The following RHD variants were observed in gnomAD, a reference collection of about 807,000 sequenced individuals.
RHD encodes Rh blood group D antigen, also known as blood group Rh(D) polypeptide.
A neutral mutation model predicts 45.5 loss-of-function variants in RHD; 16 were observed. The ratio of observed to expected loss-of-function variants is 0.35; its 90% confidence interval spans 0.24 to 0.53. RHD has a LOEUF of 0.53. Ranked by LOEUF, RHD falls within the 20% of genes least tolerant of loss-of-function variation. RHD has a pLI of 0.92. For synonymous variants in RHD, 131 were observed against 217.5 expected, an observed-to-expected ratio of 0.60 and a Z score of 3.50; for missense variants, 306 against 532.0, an observed-to-expected ratio of 0.58 and a Z score of 4.18.
chr1:25,277,951 G>C (rs28537466), intron 1 of RHD, among the ~76,000 whole-genome samples: 2,060 of 133,378 alleles, frequency 0.015, 311 homozygotes, highest in African/African-American at 0.05. Context: ...TGGGATTACA[G>C]GCGTGAGCCA....
rs372348506 is a variant in RHD at position 25,278,648 on chromosome 1, A to G, written c.149-5925A>G. On this transcript the variant is annotated intron_variant, in intron 1 of 9. Coordinates refer to ENST00000328664, the MANE Select transcript of RHD (RefSeq NM_016124.6). ...AGAGCTTCCCTAAGGCTTCCAAACT[A>G]GGAGACTATCCTGGGTCCTGTGCTG... Among the ~76,000 whole-genome samples, 108 of 131,482 alleles carry G rather than the reference A, an allele frequency of 8.2e-4. 12 individuals carry two copies. Among genetic ancestry groups the G allele is most frequent in the South Asian group, 4.7e-3 (20 of 4,256 alleles). 86.3% of individuals were successfully genotyped at this position (131,482 alleles called of 152,430 possible). A position where few individuals can be genotyped will look rare whatever the true frequency, so the allele number is the denominator to read the frequency against.
Position 25,329,252 on chromosome 1 carries a change from T to TG in RHD, c.*328_*329insG, listed in dbSNP as rs1644936548. ...ATTATTCCTTGTTTTTTTTTTTTTT[T>TG]TTTTTTTTTTGAGATGTAGTCTTAC... On this transcript the variant is annotated 3_prime_UTR_variant, in exon 10 of 10. Coordinates refer to ENST00000328664, the MANE Select transcript of RHD (RefSeq NM_016124.6). 3 of 655,678 alleles carry TG rather than the reference T, an allele frequency of 4.6e-6. No individual in the cohort carries two copies. The highest frequency in any genetic ancestry group is 1.9e-5 in the South Asian group (1 of 51,980). The allele number at this position is 655,678 out of a possible 1,614,324, so 40.6% of individuals were successfully genotyped here. A position where few individuals can be genotyped will look rare whatever the true frequency, so the allele number is the denominator to read the frequency against.
chr1:25,276,413 A>C (rs1262891209), intron 1 of RHD, among the ~76,000 whole-genome samples: 1 of 115,222 alleles, frequency 8.7e-6, no homozygotes, highest in Non-Finnish European at 1.9e-5. Flanking sequence ...TGTAATAGTT[A>C]ATTAAAAAAA....
chr1:25,276,692 C>T (rs1191593862), intron 1 of RHD, among the ~76,000 whole-genome samples: 6 of 130,188 alleles, frequency 4.6e-5, no homozygotes, highest in African/African-American at 1.6e-4. Flanking sequence ...CCAGCATGGG[C>T]GACAGAGCAA....
Position 25,291,626 on chromosome 1 carries a change from A to G in RHD, c.486+835A>G, listed in dbSNP as rs34942019. ...CCTGTAGGATTGTGCTATTCATGATATAATTATGGTTATATAAAAGTAATT... is the reference window on the plus strand; with the variant it reads ...CCTGTAGGATTGTGCTATTCATGATGTAATTATGGTTATATAAAAGTAATT... On this transcript the variant is annotated intron_variant, in intron 3 of 9. Transcript: ENST00000328664. Among the ~76,000 whole-genome samples, 14 of 132,908 alleles carry G rather than the reference A, an allele frequency of 1.1e-4. 3 individuals carry two copies. Among genetic ancestry groups the G allele is most frequent in the Middle Eastern group, 4.1e-3 (1 of 246 alleles). The allele number at this position is 132,908 out of a possible 152,430, so 87.2% of individuals were successfully genotyped here. A position where few individuals can be genotyped will look rare whatever the true frequency, so the allele number is the denominator to read the frequency against.
chr1:25,279,052 G>T lies in RHD; in HGVS notation c.149-5521G>T, dbSNP rs181240449. 9.2e-3 allele frequency among the ~76,000 whole-genome samples: 1,189 copies of T among 129,802 alleles called. 203 individuals carry two copies. Among genetic ancestry groups the T allele is most frequent in the African/African-American group, 0.028 (1,041 of 37,514 alleles). 85.2% of individuals were successfully genotyped at this position (129,802 alleles called of 152,430 possible). ...CAGAAGGAGGGGCAAGAGTGGGAGG[G>T]GGCGCAGATCCAGAATCACGGAGGC... is the stretch of plus-strand genomic sequence containing the variant. On this transcript the variant is annotated intron_variant, in intron 1 of 9. Transcript: ENST00000328664.
At position 25,274,181 on chromosome 1, in the gene RHD, A is replaced by G. The variant is rs1475481706; in HGVS notation, c.148+1486A>G. On this transcript the variant is annotated intron_variant, in intron 1 of 9. Transcript: ENST00000328664. The stretch of plus-strand genomic sequence containing the variant: ...TACATTGAACCCTCACAATAACCCA[A>G]TGAGGTGGGTACTATTATGATCTTC... Among the ~76,000 whole-genome samples, 43 of 132,014 alleles carry G rather than the reference A, an allele frequency of 3.3e-4. 8 individuals carry two copies. Among genetic ancestry groups the G allele is most frequent in the Non-Finnish European group, 5.2e-4 (29 of 55,614 alleles). 86.6% of individuals were successfully genotyped at this position (132,014 alleles called of 152,430 possible). A position where few individuals can be genotyped will look rare whatever the true frequency, so the allele number is the denominator to read the frequency against.
intron 1 of RHD, among the ~76,000 whole-genome samples, chr1:25,275,006 G>A (rs113349451): frequency 0.028 from 3,702 of 129,986 alleles, 609 homozygotes; most frequent in African/African-American, 0.09. Context: ...AGGAGAGCAG[G>A]GACTGGGTGT....
chr1:25,272,680 G>A lies in RHD; in HGVS notation c.133G>A (p.Val45Met), dbSNP rs748833614. ...DASLEDQKGL[V>M]ASYQVGQDLT... Reference sequence around the variant, plus strand: ...TTCCTTAGAGGATCAAAAGGGGCTCGTGGCATCCTATCAAGGTGAGAGTTC... The same window carrying A: ...TTCCTTAGAGGATCAAAAGGGGCTCATGGCATCCTATCAAGGTGAGAGTTC... The change falls in exon 1 of 10, where the codon GTG (valine) becomes ATG (methionine). Residue 45 changes from valine (V) to methionine (M), a missense_variant. Transcript: ENST00000328664. 39 of 1,550,772 alleles carry A rather than the reference G, an allele frequency of 2.5e-5. 2 individuals carry two copies. Among genetic ancestry groups the A allele is most frequent in the South Asian group, 1.3e-4 (12 of 89,982 alleles).
At chr1:25,279,634 T>C (rs1319230247) in intron 1 of RHD, among the ~76,000 whole-genome samples, 1 of 125,576 alleles carries the variant, frequency 8.0e-6, no homozygotes, top group Admixed American at 7.7e-5. Flanking sequence ...GGGCTAAGTC[T>C]GTAAGGCACG....
intron 8 of RHD, among the ~76,000 whole-genome samples, chr1:25,318,754 T>A (rs1229637470): frequency 7.5e-6 from 1 of 132,664 alleles, no homozygotes; most frequent in African/African-American, 2.6e-5. Flanking sequence ...ACGTTGGGCA[T>A]GTCACTTTAC....
rs1436758929 is a variant in RHD at position 25,302,978 on chromosome 1, TA to T, written c.802-338del. Among the ~76,000 whole-genome samples, 13 of 130,272 alleles carry T rather than the reference TA, an allele frequency of 1.0e-4. 3 individuals are homozygous for T. The highest frequency in any genetic ancestry group is 1.5e-4 in the Non-Finnish European group (8 of 55,152). 85.5% of individuals were successfully genotyped at this position (130,272 alleles called of 152,430 possible). A position where few individuals can be genotyped will look rare whatever the true frequency, so the allele number is the denominator to read the frequency against. On this transcript the variant is annotated intron_variant, in intron 5 of 9. Transcript: ENST00000328664. ...AGGCAACATAGCAAGACCCTGTCTC[TA>T]AAAAATAAAACAAAAACCCATTCTT...
chr1:25,290,849 G>C, intron 3 of RHD, 58 bp downstream of exon 3: 1 of 1,351,852 alleles, frequency 7.4e-7, no homozygotes. Context: ...GCTCCATTTG[G>C]TGGGGTTTCC....
chr1:25,284,344 T>C (rs1387694123), intron 1 of RHD, among the ~76,000 whole-genome samples: 2 of 135,868 alleles, frequency 1.5e-5, no homozygotes, highest in East Asian at 1.9e-4. Context: ...AAGTGCTTAA[T>C]TAGCTTTAGC....
Position 25,319,696 on chromosome 1 carries a change from C to G in RHD, c.1154-2193C>G, listed in dbSNP as rs568422144. ...TTGCACCAAATGGACTCCCAGAAGA[C>G]AAGCATTTAATTTGTTAATTGAGCC... On this transcript the variant is annotated intron_variant, in intron 8 of 9. Coordinates refer to ENST00000328664, the MANE Select transcript of RHD (RefSeq NM_016124.6). 3.8e-5 allele frequency among the ~76,000 whole-genome samples: 5 copies of G among 132,302 alleles called. 1 individual carries two copies. Among genetic ancestry groups the G allele is most frequent in the East Asian group, 2.0e-4 (1 of 5,120 alleles). 86.8% of individuals were successfully genotyped at this position (132,302 alleles called of 152,430 possible).
chr1:25,297,639 G>A (rs1643062166), intron 3 of RHD, among the ~76,000 whole-genome samples: 1 of 131,516 alleles, frequency 7.6e-6, no homozygotes, highest in African/African-American at 2.6e-5. Flanking sequence ...ACTCATCTAT[G>A]TACTTATTTA....
chr1:25,306,333 C>T lies in RHD; in HGVS notation c.940-263C>T, dbSNP rs554620127. 3.4e-4 allele frequency among the ~76,000 whole-genome samples: 45 copies of T among 131,790 alleles called. 8 individuals carry two copies. The highest frequency in any genetic ancestry group is 9.7e-4 in the African/African-American group (37 of 38,322). The allele number at this position is 131,790 out of a possible 152,430, so 86.5% of individuals were successfully genotyped here. Reference sequence around the variant, plus strand: ...GACCCTTGCTACTCATAGTGTGGTCCGTAGACCAGCAGCATTGGCATCACC... The same window carrying T: ...GACCCTTGCTACTCATAGTGTGGTCTGTAGACCAGCAGCATTGGCATCACC... On this transcript the variant is annotated intron_variant, in intron 6 of 9. Coordinates refer to ENST00000328664, the MANE Select transcript of RHD (RefSeq NM_016124.6).
rs560036617 is a variant in RHD, at chr1:25,308,973, G to A, written c.1073+2244G>A. On this transcript the variant is annotated intron_variant, in intron 7 of 9. Transcript: ENST00000328664. ...TGTGCAGATTTAGCAACAGAACATA[G>A]CCCCGTTCTTTATGATGACTGATGC... Among the ~76,000 whole-genome samples the A allele has an allele frequency of 9.1e-5, 12 of 131,652 alleles. 2 individuals are homozygous for A. The highest frequency in any genetic ancestry group is 6.6e-4 in the Admixed American group (9 of 13,606). 86.4% of individuals were successfully genotyped at this position (131,652 alleles called of 152,430 possible).
chr1:25,278,137 G>T (rs1641177156), intron 1 of RHD, among the ~76,000 whole-genome samples: 2 of 129,596 alleles, frequency 1.5e-5, no homozygotes, highest in South Asian at 4.8e-4. Flanking sequence ...AGATGGGCAG[G>T]GGCAGTGGAG....
Sources: allele counts gnomAD v4.1 joint callset (sites outside exome capture counted in the v4.1 genomes callset), GRCh38; gene constraint gnomAD v4.1.1; transcripts MANE v1.5; gene names NCBI Gene and HGNC (gene_info 2026-07-23, HGNC 2026-07-21).